SLC24A2: variants seen among roughly 807,000 people sequenced by gnomAD.
The protein encoded by SLC24A2 is solute carrier family 24 member 2, also known as sodium/potassium/calcium exchanger 2.
A neutral mutation model predicts 62.0 loss-of-function variants in SLC24A2; 36 were observed. The observed-to-expected ratio is 0.58, with a 90% confidence interval of 0.44 to 0.77. The LOEUF (loss-of-function observed/expected upper bound fraction) is 0.77. SLC24A2 is among the 30% of genes least tolerant of loss of function. SLC24A2 has a pLI of 0.00. For synonymous variants in SLC24A2, 358 were observed against 294.0 expected (o/e 1.22, Z -2.23); for missense variants, 846 against 817.9 (o/e 1.03, Z -0.42).
At chr9:19,557,110 A>G (rs1466111721) in intron 7 of SLC24A2, among the ~76,000 whole-genome samples, 1 of 152,144 alleles carries the variant, frequency 6.6e-6, no homozygotes, top group African/African-American at 2.4e-5. Context: ...TGCTAGGCCA[A>G]CCCTGAGTAA....
chr9:19,566,691 C>G (rs1389716066), intron 7 of SLC24A2, among the ~76,000 whole-genome samples: 1 of 152,146 alleles, frequency 6.6e-6, no homozygotes, highest in South Asian at 2.1e-4. Context: ...TTCACAATAG[C>G]AAAGACTTGA....
chr9:19,736,154 A>G (rs558877740), intron 2 of SLC24A2, among the ~76,000 whole-genome samples: 7 of 152,304 alleles, frequency 4.6e-5, no homozygotes, highest in Admixed American at 2.6e-4. Flanking sequence ...TTAAGCATGC[A>G]TTATATGTTC....
chr9:19,836,656 G>A, the SLC24A2 span, among the ~76,000 whole-genome samples: 1 of 152,148 alleles, frequency 6.6e-6, no homozygotes, highest in African/African-American at 2.4e-5. Flanking sequence ...GGTACAAGGA[G>A]GAACTGGTAC....
the SLC24A2 span, among the ~76,000 whole-genome samples, chr9:20,247,665 A>G: frequency 6.6e-6 from 1 of 152,214 alleles, no homozygotes; most frequent in Non-Finnish European, 1.5e-5. Flanking sequence ...TGGTTAGCCA[A>G]AAGTCTATAG....
At chr9:19,969,154 C>G in the SLC24A2 span, among the ~76,000 whole-genome samples, 3 of 148,174 alleles carry the variant, frequency 2.0e-5, no homozygotes, top group East Asian at 4.1e-4. Flanking sequence ...AAGGGAATTC[C>G]CTAACCTCTG....
intron 7 of SLC24A2, among the ~76,000 whole-genome samples, chr9:19,565,322 C>T (rs938658844): frequency 6.7e-4 from 92 of 136,446 alleles, no homozygotes; most frequent in African/African-American, 2.4e-3. Flanking sequence ...ACACCAACAA[C>T]AGACAAACAG....
At chr9:20,018,199 G>A in the SLC24A2 span, among the ~76,000 whole-genome samples, 4 of 152,106 alleles carry the variant, frequency 2.6e-5, no homozygotes, top group Non-Finnish European at 5.9e-5. Context: ...TGCCGGTCTC[G>A]GCCTCCTAAA....
At chr9:20,288,045 C>A in the SLC24A2 span, among the ~76,000 whole-genome samples, 1 of 151,582 alleles carries the variant, frequency 6.6e-6, no homozygotes. Context: ...GAAAAAAACA[C>A]ACACACACAC....
the SLC24A2 span, among the ~76,000 whole-genome samples, chr9:19,801,859 G>A: frequency 6.6e-6 from 1 of 151,992 alleles, no homozygotes; most frequent in African/African-American, 2.4e-5. Context: ...AAATACTTCA[G>A]GTTTTATTAG....
chr9:19,543,275 T>A (rs1834372377), intron 8 of SLC24A2, among the ~76,000 whole-genome samples: 1 of 152,208 alleles, frequency 6.6e-6, no homozygotes, highest in East Asian at 1.9e-4. Flanking sequence ...AGTGGTGATA[T>A]CCCCTTTATC....
chr9:19,546,824 G>T (rs1338431360), intron 8 of SLC24A2, among the ~76,000 whole-genome samples: 1 of 152,198 alleles, frequency 6.6e-6, no homozygotes, highest in African/African-American at 2.4e-5. Context: ...CAGGACACTG[G>T]AGGGTATCTT....
chr9:19,698,934 C>T (rs1441491225), intron 2 of SLC24A2, among the ~76,000 whole-genome samples: 7 of 152,076 alleles, frequency 4.6e-5, no homozygotes, highest in African/African-American at 1.2e-4. Flanking sequence ...GAGAACTTGT[C>T]GAAAGTCACA....
intron 2 of SLC24A2, among the ~76,000 whole-genome samples, chr9:19,622,729 CAT>C (rs1351824031): frequency 6.6e-6 from 1 of 151,904 alleles, no homozygotes; most frequent in African/African-American, 2.4e-5. Context: ...TATTTTAGTG[CAT>C]ATAAAGAAAA....
chr9:20,299,769 G>T, the SLC24A2 span, among the ~76,000 whole-genome samples: 2 of 152,196 alleles, frequency 1.3e-5, no homozygotes, highest in Non-Finnish European at 2.9e-5. Context: ...AAAGAAACTC[G>T]TTCAGGGAGA....
At chr9:19,519,847 C>T (rs911863680) in intron 10 of SLC24A2, among the ~76,000 whole-genome samples, 19 of 152,208 alleles carry the variant, frequency 1.2e-4, no homozygotes, top group Non-Finnish European at 1.9e-4. Flanking sequence ...ACGTGTAGTT[C>T]AGACAGTGAA....
chr9:19,546,844 G>C lies in SLC24A2; in HGVS notation c.1479+3293C>G, dbSNP rs376312795. On this transcript the variant is annotated intron_variant, in intron 8 of 10. Transcript: ENST00000341998. ...CACTGGAGGGTATCTTCTGGTCTGT[G>C]GGTTGCAAAGACTGTGGGAAAAGCA... 3.3e-5 allele frequency among the ~76,000 whole-genome samples: 5 copies of C among 152,314 alleles called. No individual in the cohort carries two copies. The South Asian group carries it at 1.0e-3, about 32-fold the overall frequency.
chr9:20,051,775 TG>T, the SLC24A2 span, among the ~76,000 whole-genome samples: 1 of 150,930 alleles, frequency 6.6e-6, no homozygotes, highest in East Asian at 2.0e-4. Flanking sequence ...CTTGGTGAGC[TG>T]TTAATTTTTA....
At chr9:20,297,106 T>C in the SLC24A2 span, among the ~76,000 whole-genome samples, 1 of 152,206 alleles carries the variant, frequency 6.6e-6, no homozygotes, top group East Asian at 1.9e-4. Context: ...AATTGTGTCC[T>C]TTGGTATTAT....
At chr9:19,550,749 A>G (rs916092994) in intron 7 of SLC24A2, among the ~76,000 whole-genome samples, 1 of 151,744 alleles carries the variant, frequency 6.6e-6, no homozygotes, top group South Asian at 2.1e-4. Context: ...GGCAAATGAA[A>G]GTAACCACAG....
Sources: gnomAD v4.1 joint callset for allele counts (sites outside exome capture counted in the v4.1 genomes callset) on GRCh38, gnomAD v4.1.1 for gene constraint, MANE v1.5 for transcripts, NCBI Gene and HGNC (gene_info 2026-07-23, HGNC 2026-07-21) for gene names.